Variants in BPGM observed in about 807,000 individuals in gnomAD.
The protein encoded by BPGM is bisphosphoglycerate mutase.
A neutral mutation model predicts 21.6 loss-of-function variants in BPGM; 15 were observed. That is an observed-to-expected ratio of 0.70 (90% CI 0.47 to 1.07). The LOEUF is 1.07. Among genes scored for constraint, BPGM ranks in the 50% least tolerant of loss-of-function variants. The pLI, the probability that BPGM is intolerant of heterozygous loss-of-function variation, is 0.00. For synonymous variants in BPGM, 113 were observed against 116.2 expected (o/e 0.97, Z 0.18); for missense variants, 273 against 319.0 (o/e 0.86, Z 1.10).
At chr7:134,656,247 C>G (rs1186936141) in intron 1 of BPGM, among the ~76,000 whole-genome samples, 1 of 152,218 alleles carries the variant, frequency 6.6e-6, no homozygotes, top group East Asian at 1.9e-4. Flanking sequence ...GCTGCATGAT[C>G]TAGTGCGGTA....
intron 1 of BPGM, among the ~76,000 whole-genome samples, chr7:134,652,291 T>A (rs1043017374): frequency 1.3e-5 from 2 of 152,196 alleles, no homozygotes; most frequent in African/African-American, 4.8e-5. Flanking sequence ...ATCGGCATAT[T>A]GAGGGCTTCT....
intron 1 of BPGM, among the ~76,000 whole-genome samples, chr7:134,654,833 C>T (rs1795612698): frequency 6.6e-6 from 1 of 151,960 alleles, no homozygotes. Context: ...GGCACCATTT[C>T]AGTAGAGTGG....
At chr7:134,648,788 C>T (rs1458537693) in intron 1 of BPGM, among the ~76,000 whole-genome samples, 4 of 152,064 alleles carry the variant, frequency 2.6e-5, no homozygotes, top group Non-Finnish European at 5.9e-5. Flanking sequence ...TGGGCTCAAG[C>T]GATCCTACCA....
At chr7:134,666,581 C>G (rs1795824691) in intron 2 of BPGM, among the ~76,000 whole-genome samples, 1 of 152,172 alleles carries the variant, frequency 6.6e-6, no homozygotes, top group Non-Finnish European at 1.5e-5. Flanking sequence ...CTCACCCATT[C>G]TGGATATGAT....
intron 1 of BPGM, among the ~76,000 whole-genome samples, chr7:134,655,831 G>A (rs1001449850): frequency 2.0e-5 from 3 of 152,174 alleles, no homozygotes; most frequent in East Asian, 1.9e-4. Context: ...TGTGCCAAGC[G>A]ATGTGCTAGG....
chr7:134,678,545 A>C (rs562902636), intron 2 of BPGM, among the ~76,000 whole-genome samples: 40 of 152,344 alleles, frequency 2.6e-4, no homozygotes, highest in Non-Finnish European at 5.3e-4. Flanking sequence ...TTCCTTGGAA[A>C]ACTAGTAACA....
intron 2 of BPGM, among the ~76,000 whole-genome samples, chr7:134,676,486 C>T (rs1277460316): frequency 3.9e-5 from 6 of 152,112 alleles, no homozygotes; most frequent in African/African-American, 1.2e-4. Context: ...GAGCAATATG[C>T]TTACAGACTC....
chr7:134,666,378 G>A (rs1795821814), intron 2 of BPGM, among the ~76,000 whole-genome samples: 1 of 152,120 alleles, frequency 6.6e-6, no homozygotes, highest in African/African-American at 2.4e-5. Flanking sequence ...AGAGAGGGAG[G>A]TATCTATGAG....
At chr7:134,663,711 T>C (rs111410479) in intron 2 of BPGM, among the ~76,000 whole-genome samples, 1,669 of 152,274 alleles carry the variant, frequency 0.011, 37 homozygotes, top group African/African-American at 0.038. Flanking sequence ...CTATCTCCTT[T>C]AGGATCATCT....
chr7:134,668,772 A>G (rs1206964706), intron 2 of BPGM, among the ~76,000 whole-genome samples: 1 of 152,236 alleles, frequency 6.6e-6, no homozygotes, highest in African/African-American at 2.4e-5. Flanking sequence ...TGATACACCC[A>G]TCATCATGGA....
At chr7:134,657,613 C>G (rs1795660846) in intron 1 of BPGM, among the ~76,000 whole-genome samples, 1 of 152,114 alleles carries the variant, frequency 6.6e-6, no homozygotes, top group South Asian at 2.1e-4. Context: ...TGAACCTAAC[C>G]CTAGGGTATG....
intron 1 of BPGM, 83 bp downstream of exon 1, chr7:134,647,020 C>A: frequency 6.4e-6 from 1 of 155,072 alleles, no homozygotes; most frequent in South Asian, 1.6e-4. Context: ...GCGGGGAAGG[C>A]CAGTTTCTTT....
rs538244695 is a variant in BPGM, at chr7:134,649,042, A to G, written c.-62+2105A>G. 4.6e-5 allele frequency among the ~76,000 whole-genome samples: 7 copies of G among 152,342 alleles called. No individual in the cohort carries two copies. In the South Asian group the frequency reaches 1.2e-3, roughly 27 times the overall value. ...TATATATTTATGGGTTACATGAGAT[A>G]TTTTGACATAGGCATGCAATGCATA... On this transcript the variant is annotated intron_variant, in intron 1 of 2. Coordinates refer to ENST00000344924, the MANE Select transcript of BPGM (RefSeq NM_001724.5).
chr7:134,674,022 C>T (rs539616558), intron 2 of BPGM, among the ~76,000 whole-genome samples: 2 of 151,372 alleles, frequency 1.3e-5, no homozygotes, highest in Non-Finnish European at 2.9e-5. Flanking sequence ...AAGCAATTCT[C>T]CTGCCTCAGC....
chr7:134,662,553 T>C (rs1795752988), intron 2 of BPGM, among the ~76,000 whole-genome samples: 1 of 152,224 alleles, frequency 6.6e-6, no homozygotes, highest in African/African-American at 2.4e-5. Context: ...ATTGTTGAAA[T>C]GGCCTTGAAA....
In BPGM at chr7:134,672,675, C is replaced by A. The variant is rs1184156813; in HGVS notation, c.602-6178C>A. ...GATTTTTTCCCAAAACAACTTGGAT[C>A]AAAAATACTACACTTGCTAGATGTG... On this transcript the variant is annotated intron_variant, in intron 2 of 2. Coordinates refer to ENST00000344924, the MANE Select transcript of BPGM (RefSeq NM_001724.5). 2.0e-5 allele frequency among the ~76,000 whole-genome samples: 3 copies of A among 151,974 alleles called. No individual in the cohort carries two copies. The East Asian group carries it at 5.8e-4, about 29-fold the overall frequency.
At chr7:134,678,736 G>C in intron 2 of BPGM, 117 bp from the exon 3 acceptor site, 1 of 1,038,228 alleles carries the variant, frequency 9.6e-7, no homozygotes, top group Non-Finnish European at 1.5e-6. Context: ...GAATCCCTCA[G>C]TACCTGCATG....
rs1294535048 is a variant in BPGM at position 134,679,529 on chromosome 7, CATTAGTTGAG to C, written c.*500_*509del. On this transcript the variant is annotated 3_prime_UTR_variant, in exon 3 of 3. Transcript: ENST00000344924. ...ACTTTGATAATTAAGGCCAGAGGCCCATTAGTTGAGAAAGTCACAGATATATTTCTCCAAG... is the reference window on the plus strand; with the variant it reads ...ACTTTGATAATTAAGGCCAGAGGCCCAAAGTCACAGATATATTTCTCCAAG... 6.5e-6 allele frequency: 1 copy of C among 154,246 alleles called. No individual in the cohort carries two copies. Among genetic ancestry groups the C allele is most frequent in the East Asian group, 1.9e-4 (1 of 5,236 alleles). The allele number at this position is 154,246 out of a possible 1,614,324, so 9.6% of individuals were successfully genotyped here.
chr7:134,669,401 A>AT (rs1228123300), intron 2 of BPGM, among the ~76,000 whole-genome samples: 2 of 151,770 alleles, frequency 1.3e-5, no homozygotes, highest in Non-Finnish European at 2.9e-5. Context: ...TTATTTTTTT[A>AT]TTTTTTTATC....
Sources: gnomAD v4.1 joint callset for allele counts (sites outside exome capture counted in the v4.1 genomes callset) on GRCh38, gnomAD v4.1.1 for gene constraint, MANE v1.5 for transcripts, NCBI Gene and HGNC (gene_info 2026-07-23, HGNC 2026-07-21) for gene names.